The following FMN2 variants were observed in gnomAD, a reference collection of about 807,000 sequenced individuals.
The protein encoded by FMN2 is formin-2.
In FMN2, 51 loss-of-function variants were observed where a neutral mutation model predicts 142.3. The ratio of observed to expected loss-of-function variants is 0.36; its 90% CI spans 0.29 to 0.45. FMN2 has a LOEUF of 0.45. Among genes scored for constraint, FMN2 ranks in the 20% least tolerant of loss-of-function variants. FMN2 has a pLI of 1.00. For missense variants in FMN2, 1,936 were observed against 2,122.8 expected, an observed-to-expected ratio of 0.91 and a Z score of 1.73; for synonymous variants, 882 against 869.8, an observed-to-expected ratio of 1.01 and a Z score of -0.25.
In FMN2 at chr1:240,207,303, C is replaced by T. The variant is rs1307679305; in HGVS notation, c.2491C>T (p.His831Tyr). 7 of 1,613,860 alleles carry T rather than the reference C, an allele frequency of 4.3e-6. No homozygotes were observed. Among genetic ancestry groups the T allele is most frequent in the Non-Finnish European group, 5.1e-6 (6 of 1,179,864 alleles). The change falls in exon 5 of 18, where the codon CAT becomes TAT. Residue 831 changes from histidine (H) to tyrosine (Y), a missense_variant. Physicochemically the swap from His to Tyr is moderately conservative, Grantham distance 83. Transcript: ENST00000319653. Reference sequence around the variant, plus strand: ...AGGACAGCCTGGGTCACAGCCGCCCCATTCTATTTCTACCGAGTTTCAAAC... The same window carrying T: ...AGGACAGCCTGGGTCACAGCCGCCCTATTCTATTTCTACCGAGTTTCAAAC... ...GQGQPGSQPPHSISTEFQTSH... is the reference protein window; with the variant it reads ...GQGQPGSQPPYSISTEFQTSH...
intron 15 of FMN2, among the ~76,000 whole-genome samples, chr1:240,427,127 C>A (rs865849434): frequency 7.9e-5 from 12 of 151,262 alleles, no homozygotes; most frequent in Middle Eastern, 3.2e-3. Flanking sequence ...AATACCAAGT[C>A]ATTGTTCAAA....
At chr1:240,251,844 G>T (rs1387029613) in intron 6 of FMN2, among the ~76,000 whole-genome samples, 1 of 152,102 alleles carries the variant, frequency 6.6e-6, no homozygotes, top group Non-Finnish European at 1.5e-5. Context: ...TACATTCAAG[G>T]TTATTATTGA....
intron 8 of FMN2, among the ~76,000 whole-genome samples, chr1:240,324,451 G>A (rs966937889): frequency 6.6e-6 from 1 of 152,110 alleles, no homozygotes; most frequent in Admixed American, 6.5e-5. Context: ...TGAGGCTATC[G>A]AGACCAGCCT....
chr1:240,291,801 G>A lies in FMN2; in HGVS notation c.4154-3021G>A, dbSNP rs542737706. ...ACACAAATTGAAAAAAAGTCAACTC[G>A]TTTAACCTTGGGCTTCATAGCAAGG... On this transcript the variant is annotated intron_variant, in intron 7 of 17. Transcript: ENST00000319653. Among the ~76,000 whole-genome samples the A allele has an allele frequency of 3.0e-4, 45 of 151,990 alleles. 1 individual carries two copies. The South Asian group carries it at 8.7e-3, about 29-fold the overall frequency.
intron 15 of FMN2, among the ~76,000 whole-genome samples, chr1:240,434,546 T>C (rs1675289705): frequency 9.6e-6 from 1 of 104,032 alleles, no homozygotes; most frequent in South Asian, 3.1e-4. Flanking sequence ...GTTTTGTTTT[T>C]TGTTTTTTGT....
chr1:240,147,577 G>C (rs35442562), intron 2 of FMN2, among the ~76,000 whole-genome samples: 69,135 of 151,318 alleles, frequency 0.46, 16,961 homozygotes, highest in South Asian at 0.65. Context: ...ACTGCAGCCT[G>C]GAATCCCTGC....
chr1:240,330,821 T>A, intron 11 of FMN2, 72 bp downstream of exon 11: 1 of 1,527,298 alleles, frequency 6.5e-7, no homozygotes, highest in Non-Finnish European at 8.8e-7. Flanking sequence ...GGTTTGAATG[T>A]AAAGCAGTTG....
At chr1:240,437,512 C>T (rs571744343) in intron 15 of FMN2, among the ~76,000 whole-genome samples, 18 of 152,064 alleles carry the variant, frequency 1.2e-4, no homozygotes, top group East Asian at 1.2e-3. Context: ...CCGTGTTAGC[C>T]AGGATGGTCT....
chr1:240,420,030 C>G (rs375959740), intron 15 of FMN2, among the ~76,000 whole-genome samples: 3 of 152,208 alleles, frequency 2.0e-5, no homozygotes, highest in South Asian at 2.1e-4. Flanking sequence ...TTGTGGTACC[C>G]GGGCTTCTGG....
At chr1:240,456,353 C>T (rs11582676) in intron 16 of FMN2, among the ~76,000 whole-genome samples, 113,673 of 152,160 alleles carry the variant, frequency 0.75, 42,643 homozygotes, top group Middle Eastern at 0.82. Context: ...TACAGAAATA[C>T]CATTGTGTTT....
At chr1:240,327,045 C>T (rs1258527901) in intron 8 of FMN2, among the ~76,000 whole-genome samples, 5 of 152,116 alleles carry the variant, frequency 3.3e-5, no homozygotes, top group Admixed American at 3.3e-4. Flanking sequence ...TCATAGGTAA[C>T]TGACGAATGA....
chr1:240,152,304 T>C (rs1221118669), intron 2 of FMN2, among the ~76,000 whole-genome samples: 4 of 114,712 alleles, frequency 3.5e-5, no homozygotes, highest in Non-Finnish European at 8.2e-5. Flanking sequence ...TCCGAGCTCA[T>C]TTAAAAAAAA....
chr1:240,407,434 C>T (rs113976465), intron 15 of FMN2, among the ~76,000 whole-genome samples: 4 of 152,242 alleles, frequency 2.6e-5, no homozygotes, highest in African/African-American at 9.6e-5. Context: ...CCACCGTGCC[C>T]GGCCACAGCT....
chr1:240,446,404 G>A (rs1675817106), intron 16 of FMN2, among the ~76,000 whole-genome samples: 1 of 152,190 alleles, frequency 6.6e-6, no homozygotes, highest in Non-Finnish European at 1.5e-5. Flanking sequence ...TAATGAGTGT[G>A]TAGACACTTG....
At chr1:240,104,782 C>T (rs1217473333) in intron 1 of FMN2, among the ~76,000 whole-genome samples, 1 of 152,120 alleles carries the variant, frequency 6.6e-6, no homozygotes, top group Non-Finnish European at 1.5e-5. Context: ...GAAAGTCCTG[C>T]TGGGTTGTTC....
At chr1:240,140,663 T>C (rs985348791) in intron 2 of FMN2, among the ~76,000 whole-genome samples, 5 of 124,454 alleles carry the variant, frequency 4.0e-5, no homozygotes, top group African/African-American at 1.5e-4. Flanking sequence ...TTAAATTCTG[T>C]GGGGGGTGGG....
chr1:240,140,126 C>G (rs1319657356), intron 2 of FMN2, among the ~76,000 whole-genome samples: 1 of 152,070 alleles, frequency 6.6e-6, no homozygotes, highest in Non-Finnish European at 1.5e-5. Flanking sequence ...CTTTCTTCCT[C>G]TGGGTGTGAA....
intron 2 of FMN2, chr1:240,144,854 T>C: frequency 1.4e-6 from 2 of 1,438,318 alleles, no homozygotes; most frequent in Non-Finnish European, 2.0e-6. Flanking sequence ...CTTTGCATCA[T>C]CCAGCTCCTG....
At chr1:240,123,019 A>T (rs185072857) in intron 1 of FMN2, among the ~76,000 whole-genome samples, 160 bp from the exon 2 acceptor site, 262 of 152,322 alleles carry the variant, frequency 1.7e-3, no homozygotes, top group African/African-American at 6.0e-3. Flanking sequence ...GCCTCAGACT[A>T]CAGAGCTTTC....
Sources: gnomAD v4.1 joint callset for allele counts (sites outside exome capture counted in the v4.1 genomes callset) on GRCh38, gnomAD v4.1.1 for gene constraint, MANE v1.5 for transcripts, NCBI Gene and HGNC (gene_info 2026-07-23, HGNC 2026-07-21) for gene names.